Variants in SLC14A2 observed in about 807,000 individuals in gnomAD.
SLC14A2 encodes urea transporter 2.
A neutral mutation model predicts 104.6 loss-of-function variants in SLC14A2; 91 were observed. The observed-to-expected ratio is 0.87, with a 90% CI of 0.73 to 1.04. SLC14A2 has a LOEUF of 1.04. SLC14A2 is among the 50% of genes least tolerant of loss of function. SLC14A2 has a pLI of 0.00. For missense variants in SLC14A2, 1,189 were observed against 1,156.0 expected (o/e 1.03, Z -0.41); for synonymous variants, 476 against 466.4 (o/e 1.02, Z -0.27).
chr18:45,335,952 G>A (rs184290563), intron 1 of SLC14A2, among the ~76,000 whole-genome samples: 232 of 152,304 alleles, frequency 1.5e-3, no homozygotes, highest in African/African-American at 5.2e-3. Flanking sequence ...TTAATGGGGC[G>A]ATAACGAGGA....
At chr18:45,386,130 G>A (rs1484159350) in intron 1 of SLC14A2, among the ~76,000 whole-genome samples, 13 of 152,180 alleles carry the variant, frequency 8.5e-5, no homozygotes, top group African/African-American at 2.4e-4. Flanking sequence ...GCCAAGTTAT[G>A]GAGGTGAAAG....
chr18:45,486,925 C>G (rs1403662478), intron 2 of SLC14A2, among the ~76,000 whole-genome samples: 1 of 152,184 alleles, frequency 6.6e-6, no homozygotes, highest in Non-Finnish European at 1.5e-5. Flanking sequence ...AAAATTAAGG[C>G]TCAGACCAGT....
upstream of SLC14A2, among the ~76,000 whole-genome samples, chr18:45,212,445 G>C (rs1037155551): frequency 1.3e-5 from 2 of 152,050 alleles, no homozygotes; most frequent in Non-Finnish European, 2.9e-5. Context: ...GGTGAAAATG[G>C]GGCAATAGTA....
At chr18:45,235,401 A>G (rs1235987001) in intron 1 of SLC14A2, among the ~76,000 whole-genome samples, 1 of 152,134 alleles carries the variant, frequency 6.6e-6, no homozygotes, top group Non-Finnish European at 1.5e-5. Flanking sequence ...CACTTCAAAC[A>G]TTTATTTCTT....
In SLC14A2 at chr18:45,627,030, C is replaced by T. The variant is rs201178741; in HGVS notation, c.404C>T (p.Pro135Leu). Residue 135 changes from proline (P) to leucine (L), a missense_variant, in exon 4 of 20, where the codon CCT becomes CTT. Coordinates refer to ENST00000255226, the MANE Select transcript of SLC14A2 (RefSeq NM_007163.4). ...GTAQVMFINN[P>L]LSGLIIFIGL... ...GCTCAGGTGATGTTCATCAACAATC[C>T]TCTCAGCGGCCTCATCATCTTCATA... The T allele has an allele frequency of 3.7e-6, 6 of 1,613,292 alleles. No homozygotes were observed. In the East Asian group the frequency reaches 1.3e-4, roughly 36 times the overall value.
intron 2 of SLC14A2, among the ~76,000 whole-genome samples, chr18:45,558,762 T>C (rs994884401): frequency 2.0e-5 from 3 of 152,224 alleles, no homozygotes; most frequent in African/African-American, 7.2e-5. Context: ...ACCAGGGTTC[T>C]ATCTTTCCAA....
intron 1 of SLC14A2, among the ~76,000 whole-genome samples, chr18:45,290,025 C>T (rs1220778476): frequency 6.6e-6 from 1 of 152,142 alleles, no homozygotes; most frequent in Non-Finnish European, 1.5e-5. Context: ...TGCCAAGATC[C>T]CATCTGTGGC....
chr18:45,368,825 C>G (rs1345531647), intron 1 of SLC14A2, among the ~76,000 whole-genome samples: 1 of 152,086 alleles, frequency 6.6e-6, no homozygotes, highest in Non-Finnish European at 1.5e-5. Flanking sequence ...CTGAAGTGTT[C>G]CGAGTAAAGT....
chr18:45,367,690 G>A (rs1416215792), intron 1 of SLC14A2, among the ~76,000 whole-genome samples: 2 of 152,064 alleles, frequency 1.3e-5, no homozygotes, highest in Non-Finnish European at 2.9e-5. Context: ...GCTTAATATT[G>A]GCCATGATTC....
intron 2 of SLC14A2, among the ~76,000 whole-genome samples, chr18:45,496,467 C>A (rs1598916572): frequency 6.6e-6 from 1 of 152,088 alleles, no homozygotes; most frequent in Admixed American, 6.5e-5. Context: ...ACAAAGCAGG[C>A]AGAAGAAGGT....
rs896653373 is a variant in SLC14A2, at chr18:45,262,581, T to G, written c.-125+49390T>G. ...CAATAGAAAGGATTGACCAACTTTT[T>G]CAAGGTCATACCACTCTAAACAACA... On this transcript the variant is annotated intron_variant, in intron 1 of 20. Coordinates refer to the SLC14A2 transcript ENST00000586448. Among the ~76,000 whole-genome samples, 7 of 152,134 alleles carry G rather than the reference T, an allele frequency of 4.6e-5. No homozygotes were observed. In the East Asian group the frequency reaches 1.3e-3, roughly 29 times the overall value.
chr18:45,682,336 C>T lies in SLC14A2; in HGVS notation c.2580C>T (p.Cys860=), dbSNP rs1282316413. 7 of 1,614,164 alleles carry T rather than the reference C, an allele frequency of 4.3e-6. No homozygotes were observed. Among genetic ancestry groups the T allele is most frequent in the Non-Finnish European group, 5.9e-6 (7 of 1,180,012 alleles). Residue 860 remains cysteine (C), a synonymous_variant, in exon 20 of 20, where the codon TGC becomes TGT. Transcript: ENST00000255226. ...CTCTCCAGTTTGGATTGCCGCCCTGCACTTGGCCCTTCTGTCTCTCAGCTC... is the reference window on the plus strand; with the variant it reads ...CTCTCCAGTTTGGATTGCCGCCCTGTACTTGGCCCTTCTGTCTCTCAGCTC... ...NMLSVFGLPP[C]TWPFCLSALT...
chr18:45,493,881 T>G (rs1021976038), intron 2 of SLC14A2, among the ~76,000 whole-genome samples: 3 of 152,240 alleles, frequency 2.0e-5, no homozygotes, highest in Non-Finnish European at 2.9e-5. Context: ...ACTTGAAACT[T>G]TGGTGAGATT....
At chr18:45,245,453 G>T (rs1363241078) in intron 1 of SLC14A2, among the ~76,000 whole-genome samples, 1 of 152,214 alleles carries the variant, frequency 6.6e-6, no homozygotes, top group Non-Finnish European at 1.5e-5. Flanking sequence ...ATAATTATCT[G>T]ATCTCTTGAA....
At position 45,402,361 on chromosome 18, in the gene SLC14A2, G is replaced by A. The variant is rs192348155; in HGVS notation, c.-124-80872G>A. ...ATCAGCCAGTTCGCCGATAATAGAC[G>A]TTTCATAAAAGAACACAAAAGACGC... is the stretch of plus-strand genomic sequence containing the variant. On this transcript the variant is annotated intron_variant, in intron 1 of 20. Transcript: ENST00000586448. Among the ~76,000 whole-genome samples the A allele has an allele frequency of 7.4e-4, 113 of 152,306 alleles. 1 individual carries two copies. The highest frequency in any genetic ancestry group is 3.4e-3 in the Middle Eastern group (1 of 294).
chr18:45,539,805 G>T (rs1338426622), intron 2 of SLC14A2, among the ~76,000 whole-genome samples: 2 of 151,252 alleles, frequency 1.3e-5, no homozygotes, highest in Non-Finnish European at 2.9e-5. Context: ...TGCAAGCAGG[G>T]TAATAAATAA....
Position 45,643,138 on chromosome 18 carries a change from T to C in SLC14A2, c.1133T>C (p.Phe378Ser), listed in dbSNP as rs756675827. ...GATCCTTGTTCCTCCACAGCCCTGTTCTGTGCATACATGGAAGCAGCCATC... is the reference window on the plus strand; with the variant it reads ...GATCCTTGTTCCTCCACAGCCCTGTCCTGTGCATACATGGAAGCAGCCATC... The part of the protein sequence containing the change: ...THLLALICAL[F>S]CAYMEAAISN... The change falls in exon 9 of 20, where the codon TTC becomes TCC. Residue 378 changes from phenylalanine (F) to serine (S), a missense_variant. Physicochemically the swap from Phe to Ser is radical, Grantham distance 155 (BLOSUM62 -2). Coordinates refer to ENST00000255226, the MANE Select transcript of SLC14A2 (RefSeq NM_007163.4). 6.2e-7 allele frequency: 1 copy of C among 1,614,160 alleles called. No individual in the cohort carries two copies. Among genetic ancestry groups the C allele is most frequent in the South Asian group, 1.1e-5 (1 of 91,084 alleles).
At chr18:45,330,619 C>T (rs941422343) in intron 1 of SLC14A2, among the ~76,000 whole-genome samples, 2 of 152,202 alleles carry the variant, frequency 1.3e-5, no homozygotes, top group Admixed American at 6.5e-5. Context: ...AGTTAGCACA[C>T]ATAGATCCTT....
intron 2 of SLC14A2, among the ~76,000 whole-genome samples, chr18:45,580,567 G>A (rs1023914283): frequency 2.0e-5 from 3 of 152,196 alleles, no homozygotes; most frequent in Non-Finnish European, 4.4e-5. Flanking sequence ...AGCATGGGAG[G>A]AGAATAATTG....
Sources: allele counts gnomAD v4.1 joint callset (sites outside exome capture counted in the v4.1 genomes callset), GRCh38; gene constraint gnomAD v4.1.1; transcripts MANE v1.5; gene names NCBI Gene and HGNC (gene_info 2026-07-23, HGNC 2026-07-21).